ANKS1B: variants seen among roughly 807,000 people sequenced by gnomAD.
ANKS1B encodes ankyrin repeat and sterile alpha motif domain-containing protein 1B.
Under a neutral mutation model 148.3 loss-of-function variants are expected in ANKS1B, and 36 were observed. That is an observed-to-expected ratio of 0.24 (90% CI 0.19 to 0.32). ANKS1B has a LOEUF of 0.32. Ranked by LOEUF, ANKS1B falls within the 10% of genes least tolerant of loss-of-function variation. ANKS1B has a pLI of 1.00. For synonymous variants in ANKS1B, 542 were observed against 560.8 expected (o/e 0.97, Z 0.47); for missense variants, 1,157 against 1,542.6 (o/e 0.75, Z 4.19).
chr12:98,943,621 C>T (rs2099840496), intron 17 of ANKS1B, among the ~76,000 whole-genome samples: 1 of 152,184 alleles, frequency 6.6e-6, no homozygotes, highest in Non-Finnish European at 1.5e-5. Flanking sequence ...TACCATCTCT[C>T]TGGTTCCCTC....
chr12:99,702,601 G>T (rs1435839973), intron 8 of ANKS1B, among the ~76,000 whole-genome samples: 1 of 151,964 alleles, frequency 6.6e-6, no homozygotes, highest in Non-Finnish European at 1.5e-5. Flanking sequence ...GGAGTGTAGT[G>T]GTACAATTAT....
At chr12:99,214,098 G>A (rs1021023882) in intron 14 of ANKS1B, among the ~76,000 whole-genome samples, 2 of 150,570 alleles carry the variant, frequency 1.3e-5, no homozygotes, top group African/African-American at 4.9e-5. Flanking sequence ...TTTTTTATGT[G>A]TGCCCAAGAA....
intron 15 of ANKS1B, among the ~76,000 whole-genome samples, chr12:99,124,698 G>A (rs1447989524): frequency 6.6e-6 from 1 of 152,034 alleles, no homozygotes; most frequent in Non-Finnish European, 1.5e-5. Flanking sequence ...GAGCCTTTGG[G>A]TAATACAATG....
At chr12:98,748,351 T>G (rs966849492) in intron 26 of ANKS1B, among the ~76,000 whole-genome samples, 5 of 152,076 alleles carry the variant, frequency 3.3e-5, no homozygotes, top group Non-Finnish European at 7.4e-5. Flanking sequence ...CTAAAATGGT[T>G]TCGTCCCTGT....
At chr12:98,784,530 G>A (rs2098770972) in intron 22 of ANKS1B, among the ~76,000 whole-genome samples, 1 of 152,192 alleles carries the variant, frequency 6.6e-6, no homozygotes, top group Non-Finnish European at 1.5e-5. Context: ...TGGAATTCCT[G>A]GCTTTTGCAA....
At chr12:99,814,224 T>A (rs2068805029) in intron 2 of ANKS1B, among the ~76,000 whole-genome samples, 1 of 151,652 alleles carries the variant, frequency 6.6e-6, no homozygotes, top group Non-Finnish European at 1.5e-5. Flanking sequence ...TCAGAATGTA[T>A]CCCTGTCATT....
intron 12 of ANKS1B, among the ~76,000 whole-genome samples, chr12:99,333,366 A>G (rs2087969138): frequency 1.3e-5 from 2 of 152,096 alleles, no homozygotes; most frequent in Admixed American, 6.6e-5. Context: ...TAGATTCAAG[A>G]AGCAGGTGCA....
intron 19 of ANKS1B, among the ~76,000 whole-genome samples, chr12:98,824,693 A>T (rs1323793497): frequency 6.6e-6 from 1 of 152,186 alleles, no homozygotes; most frequent in Non-Finnish European, 1.5e-5. Flanking sequence ...AGCATCGACT[A>T]TTTGGAGAAA....
At chr12:98,739,773 C>T (rs76265026), downstream of ANKS1B, among the ~76,000 whole-genome samples, 6,015 of 152,172 alleles carry the variant, frequency 0.04, 362 homozygotes, top group African/African-American at 0.14. Flanking sequence ...TGTCAAGAAT[C>T]TGATATAGAT....
chr12:98,972,964 G>C (rs2099884687), intron 17 of ANKS1B, among the ~76,000 whole-genome samples: 1 of 152,154 alleles, frequency 6.6e-6, no homozygotes, highest in Middle Eastern at 3.2e-3. Flanking sequence ...ACTTTATAAA[G>C]CTAATGCCTG....
chr12:98,967,631 A>AGAGGGGAGGGGAGGGGAGGGAAGGG (rs1454015260), intron 17 of ANKS1B, among the ~76,000 whole-genome samples: 20 of 76,744 alleles, frequency 2.6e-4, no homozygotes, highest in African/African-American at 1.2e-3. Flanking sequence ...AGAGGGTAGA[A>AGAGGGGAGGGGAGGGGAGGGAAGGG]GAGGGGAGGG....
rs1450140937 is a variant in ANKS1B, at chr12:98,866,223, C to T, written c.2779-34087G>A. On this transcript the variant is annotated intron_variant, in intron 17 of 26. Transcript: ENST00000683438. ...GCAAGAGTGTCCCTGGCATGTTGCTCGAGCAGTCACAGCACTTCTGCGAAT... is the reference window on the plus strand; with the variant it reads ...GCAAGAGTGTCCCTGGCATGTTGCTTGAGCAGTCACAGCACTTCTGCGAAT... 2.0e-5 allele frequency among the ~76,000 whole-genome samples: 3 copies of T among 152,220 alleles called. No individual in the cohort carries two copies. The South Asian group carries it at 6.2e-4, about 32-fold the overall frequency.
At chr12:98,779,816 CA>C (rs1412206680) in intron 24 of ANKS1B, among the ~76,000 whole-genome samples, 1 of 152,206 alleles carries the variant, frequency 6.6e-6, no homozygotes. Context: ...TGAGTCTCCA[CA>C]ATTATTATCT....
chr12:99,169,360 A>G (rs1263168927), intron 14 of ANKS1B, among the ~76,000 whole-genome samples: 1 of 152,202 alleles, frequency 6.6e-6, no homozygotes, highest in Non-Finnish European at 1.5e-5. Flanking sequence ...GATTTGGCAG[A>G]GGCAGCAGTT....
intron 17 of ANKS1B, among the ~76,000 whole-genome samples, chr12:99,052,765 GA>G (rs2099967094): frequency 3.2e-5 from 4 of 126,280 alleles, no homozygotes; most frequent in Non-Finnish European, 6.8e-5. Context: ...AAAAGAAATA[GA>G]GACAAGGAAA....
At chr12:99,494,327 A>G (rs1291387775) in intron 10 of ANKS1B, among the ~76,000 whole-genome samples, 1 of 152,158 alleles carries the variant, frequency 6.6e-6, no homozygotes, top group Admixed American at 6.6e-5. Context: ...TAAAGAGAGA[A>G]CACTAGCTGA....
At chr12:99,859,653 GTT>G (rs141499597) in intron 1 of ANKS1B, among the ~76,000 whole-genome samples, 1 of 144,832 alleles carries the variant, frequency 6.9e-6, no homozygotes. Flanking sequence ...TTTTGTTTTT[GTT>G]TTTTTTTTTG....
At chr12:98,932,716 C>A (rs770434186) in intron 17 of ANKS1B, among the ~76,000 whole-genome samples, 1 of 152,038 alleles carries the variant, frequency 6.6e-6, no homozygotes, top group Non-Finnish European at 1.5e-5. Context: ...ATTCCTGGAA[C>A]CAGAAAGGTC....
chr12:99,370,471 G>A (rs2093066913), intron 12 of ANKS1B, among the ~76,000 whole-genome samples: 1 of 152,130 alleles, frequency 6.6e-6, no homozygotes, highest in Non-Finnish European at 1.5e-5. Context: ...ACCCAAGAAG[G>A]CCAGTGGATC....
Sources: gnomAD v4.1 joint callset for allele counts (sites outside exome capture counted in the v4.1 genomes callset) on GRCh38, gnomAD v4.1.1 for gene constraint, MANE v1.5 for transcripts, NCBI Gene and HGNC (gene_info 2026-07-23, HGNC 2026-07-21) for gene names.